DSCAM: variants seen among roughly 807,000 people sequenced by gnomAD.
DSCAM encodes the protein cell adhesion molecule DSCAM.
Under a neutral mutation model 217.7 loss-of-function variants are expected in DSCAM, and 47 were observed. The ratio of observed to expected loss-of-function variants is 0.22; its 90% CI spans 0.17 to 0.28. The LOEUF is 0.28. DSCAM is among the 10% of genes least tolerant of loss of function. The pLI is 1.00. For missense variants in DSCAM, 2,080 were observed against 2,618.3 expected (o/e 0.79, Z 4.49); for synonymous variants, 1,056 against 1,015.3 (o/e 1.04, Z -0.76).
At chr21:40,480,624 A>G (rs1451465562) in intron 3 of DSCAM, among the ~76,000 whole-genome samples, 1 of 152,222 alleles carries the variant, frequency 6.6e-6, no homozygotes, top group Non-Finnish European at 1.5e-5. Flanking sequence ...ACATGCTACA[A>G]TTTTGATGAT....
intron 3 of DSCAM, among the ~76,000 whole-genome samples, chr21:40,370,383 A>T (rs1265981108): frequency 6.6e-6 from 1 of 152,212 alleles, no homozygotes; most frequent in Non-Finnish European, 1.5e-5. Flanking sequence ...TCCACTAGAA[A>T]GAATGTGATT....
intron 3 of DSCAM, among the ~76,000 whole-genome samples, chr21:40,663,394 A>G (rs75228234): frequency 0.25 from 37,278 of 151,976 alleles, 5,554 homozygotes; most frequent in Admixed American, 0.41. Flanking sequence ...TGCACAGGCC[A>G]GTCGCACACA....
intron 3 of DSCAM, among the ~76,000 whole-genome samples, chr21:40,670,550 A>AAAAAACT (rs2090261572): frequency 6.6e-6 from 1 of 151,408 alleles, no homozygotes. Context: ...AAAAAAAAAA[A>AAAAAACT]GTGACTACTT....
At chr21:40,568,811 A>G (rs2146199786) in intron 3 of DSCAM, among the ~76,000 whole-genome samples, 1 of 152,164 alleles carries the variant, frequency 6.6e-6, no homozygotes, top group African/African-American at 2.4e-5. Flanking sequence ...AGGCCCCAGG[A>G]GCTCACTCAG....
At chr21:40,506,834 AAATAT>A (rs765802918) in intron 3 of DSCAM, among the ~76,000 whole-genome samples, 6 of 152,250 alleles carry the variant, frequency 3.9e-5, no homozygotes, top group Non-Finnish European at 8.8e-5. Context: ...TATCAACTTT[AAATAT>A]AATACAAAAA....
chr21:40,470,841 A>C (rs1339234605), intron 3 of DSCAM, among the ~76,000 whole-genome samples: 1 of 152,212 alleles, frequency 6.6e-6, no homozygotes, highest in African/African-American at 2.4e-5. Context: ...AGTGTGAGCC[A>C]CCTCACCTGG....
intron 6 of DSCAM, among the ~76,000 whole-genome samples, chr21:40,340,093 A>G (rs573101666): frequency 6.6e-6 from 1 of 152,288 alleles, no homozygotes; most frequent in Non-Finnish European, 1.5e-5. Context: ...AAAAACCTCT[A>G]AAGATATCTT....
At chr21:40,015,452 T>TAA in intron 32 of DSCAM, among the ~76,000 whole-genome samples, 1 of 150,606 alleles carries the variant, frequency 6.6e-6, no homozygotes, top group Non-Finnish European at 1.5e-5. Context: ...CAAGAAGAGA[T>TAA]AGAGTCTTGC....
intron 16 of DSCAM, among the ~76,000 whole-genome samples, chr21:40,149,588 ACT>A (rs1173856399): frequency 7.1e-6 from 1 of 140,226 alleles, no homozygotes; most frequent in Admixed American, 7.0e-5. Context: ...CACCAACACC[ACT>A]GTCACCACCA....
At chr21:40,371,834 T>C (rs977046031) in intron 3 of DSCAM, among the ~76,000 whole-genome samples, 4 of 152,182 alleles carry the variant, frequency 2.6e-5, no homozygotes, top group Non-Finnish European at 5.9e-5. Context: ...ACGCTAAGCA[T>C]GTGGCAATTA....
At chr21:40,317,579 G>C (rs1185557501) in intron 8 of DSCAM, among the ~76,000 whole-genome samples, 1 of 151,944 alleles carries the variant, frequency 6.6e-6, no homozygotes, top group East Asian at 1.9e-4. Context: ...GCCTAGGCTG[G>C]AGTTCAGTGG....
At position 40,124,988 on chromosome 21, in the gene DSCAM, G is replaced by C. The variant is rs554607658; in HGVS notation, c.3563-660C>G. Among the ~76,000 whole-genome samples the C allele has an allele frequency of 9.2e-5, 14 of 152,250 alleles. No homozygotes were observed. The South Asian group carries it at 2.9e-3, about 32-fold the overall frequency. ...TGCAGTTTTTGGCTTTGAATGTACT[G>C]GGGATGAACCTTTTGGATCCTGAAT... On this transcript the variant is annotated intron_variant, in intron 19 of 32. Coordinates refer to ENST00000400454, the MANE Select transcript of DSCAM (RefSeq NM_001389.5).
At chr21:40,258,937 A>G (rs764540875) in intron 11 of DSCAM, among the ~76,000 whole-genome samples, 1 of 152,190 alleles carries the variant, frequency 6.6e-6, no homozygotes, top group Non-Finnish European at 1.5e-5. Context: ...TGTTTGGTGT[A>G]CTCTTGGGGC....
intron 11 of DSCAM, among the ~76,000 whole-genome samples, chr21:40,219,540 T>C (rs1369731776): frequency 6.6e-6 from 1 of 152,238 alleles, no homozygotes; most frequent in Non-Finnish European, 1.5e-5. Flanking sequence ...TCTTGACTCT[T>C]TCTACATAAA....
intron 3 of DSCAM, among the ~76,000 whole-genome samples, chr21:40,659,450 G>A (rs192959320): frequency 6.6e-6 from 1 of 151,230 alleles, no homozygotes; most frequent in Admixed American, 6.6e-5. Flanking sequence ...TATCTATTCT[G>A]TTTTCTGTTT....
At chr21:40,197,130 C>CTTT (rs2091019776) in intron 11 of DSCAM, among the ~76,000 whole-genome samples, 1 of 123,870 alleles carries the variant, frequency 8.1e-6, no homozygotes, top group Non-Finnish European at 1.5e-5. Flanking sequence ...TTCTTTTTTT[C>CTTT]TTTTTTGAGA....
chr21:40,802,891 C>T (rs2091754697), intron 1 of DSCAM, among the ~76,000 whole-genome samples: 1 of 152,146 alleles, frequency 6.6e-6, no homozygotes, highest in African/African-American at 2.4e-5. Context: ...CAACAGAAAG[C>T]AGACTAATAC....
intron 5 of DSCAM, among the ~76,000 whole-genome samples, chr21:40,348,992 C>G (rs960061063): frequency 4.9e-4 from 74 of 151,258 alleles, no homozygotes; most frequent in Non-Finnish European, 6.3e-4. Flanking sequence ...ATACAATTAG[C>G]CGGGCGTGGT....
intron 11 of DSCAM, among the ~76,000 whole-genome samples, chr21:40,231,115 C>T (rs2091378025): frequency 7.2e-6 from 1 of 138,160 alleles, no homozygotes; most frequent in African/African-American, 2.8e-5. Flanking sequence ...GAATGTGGTT[C>T]TGGAAGAGGT....
Sources: allele counts gnomAD v4.1 joint callset (sites outside exome capture counted in the v4.1 genomes callset), GRCh38; gene constraint gnomAD v4.1.1; transcripts MANE v1.5; gene names NCBI Gene and HGNC (gene_info 2026-07-23, HGNC 2026-07-21).